Variants in SRRM3 observed in about 807,000 individuals in gnomAD.
The protein encoded by SRRM3 is serine/arginine repetitive matrix 3, also known as serine/arginine repetitive matrix protein 3.
A neutral mutation model predicts 66.2 loss-of-function variants in SRRM3; 27 were observed. That is an observed-to-expected ratio of 0.41 (90% CI 0.30 to 0.56). The LOEUF (loss-of-function observed/expected upper bound fraction) is 0.56, where lower values mean the gene tolerates loss of function less well. SRRM3 is among the 20% of genes least tolerant of loss of function. SRRM3 has a pLI of 0.32. For synonymous variants in SRRM3, 391 were observed against 414.9 expected (o/e 0.94, Z 0.70); for missense variants, 918 against 991.9 (o/e 0.93, Z 1.00).
chr7:76,221,402 G>A (rs1166754104), intron 1 of SRRM3, among the ~76,000 whole-genome samples: 1 of 125,062 alleles, frequency 8.0e-6, no homozygotes. Flanking sequence ...TCGCTCTGTC[G>A]CCCAGGCTGG....
rs182337985 is a variant in SRRM3, at chr7:76,244,115, A to G, written c.234-4073A>G. On this transcript the variant is annotated intron_variant, in intron 2 of 14. Coordinates refer to ENST00000611745, the MANE Select transcript of SRRM3 (RefSeq NM_001110199.3). ...CCACGAGGGGATGGGGGGTTAGAAG[A>G]AAAGCCCCCCACCCCTAACCAGGCC... Among the ~76,000 whole-genome samples, 374 of 152,150 alleles carry G rather than the reference A, an allele frequency of 2.5e-3. 3 individuals are homozygous for G. The highest frequency in any genetic ancestry group is 8.4e-3 in the African/African-American group (348 of 41,516).
intron 11 of SRRM3, chr7:76,273,538 A>G (rs1013315078): frequency 2.0e-5 from 3 of 152,110 alleles, no homozygotes; most frequent in Non-Finnish European, 4.4e-5. Context: ...TGCATTCCCA[A>G]TGCGGAGACC....
intron 10 of SRRM3, among the ~76,000 whole-genome samples, chr7:76,265,845 TA>T (rs1802004187): frequency 2.2e-4 from 2 of 9,078 alleles, no homozygotes; most frequent in Non-Finnish European, 3.2e-4. Flanking sequence ...TATATATATA[TA>T]TATATATATA....
intron 2 of SRRM3, 95 bp downstream of exon 2, chr7:76,235,394 T>C (rs1273582569): frequency 3.0e-5 from 30 of 1,014,230 alleles, no homozygotes; most frequent in Non-Finnish European, 3.9e-5. Context: ...GCGAACGTCG[T>C]GGGCGGGGAG....
chr7:76,275,515 A>G (rs962689766), intron 11 of SRRM3, among the ~76,000 whole-genome samples: 2 of 151,698 alleles, frequency 1.3e-5, no homozygotes, highest in Non-Finnish European at 2.9e-5. Flanking sequence ...AAAAAAAAAA[A>G]AAGAAAAGAA....
chr7:76,225,072 ACTAATATTTTT>A (rs1800823556), intron 1 of SRRM3, among the ~76,000 whole-genome samples: 1 of 152,150 alleles, frequency 6.6e-6, no homozygotes, highest in Non-Finnish European at 1.5e-5. Context: ...GGCTATCATA[ACTAATATTTTT>A]TCCACCAGCC....
At chr7:76,256,397 C>T (rs893433261) in intron 3 of SRRM3, among the ~76,000 whole-genome samples, 5 of 151,868 alleles carry the variant, frequency 3.3e-5, no homozygotes, top group African/African-American at 1.2e-4. Flanking sequence ...ATCCCAGCTA[C>T]TTGGGAGAAT....
intron 1 of SRRM3, among the ~76,000 whole-genome samples, chr7:76,234,315 C>T (rs970979135): frequency 1.3e-5 from 2 of 151,936 alleles, no homozygotes; most frequent in African/African-American, 4.8e-5. Flanking sequence ...TACAGGAGGA[C>T]GTGGCTGCCT....
intron 1 of SRRM3, among the ~76,000 whole-genome samples, chr7:76,222,510 G>A (rs1800751768): frequency 6.6e-6 from 1 of 152,016 alleles, no homozygotes; most frequent in Non-Finnish European, 1.5e-5. Flanking sequence ...TTGCCTGCAG[G>A]GTGTGGTCCT....
intron 2 of SRRM3, among the ~76,000 whole-genome samples, chr7:76,247,507 C>T (rs1042968409): frequency 2.6e-5 from 4 of 152,072 alleles, no homozygotes; most frequent in Admixed American, 6.6e-5. Flanking sequence ...CTAAAATTCT[C>T]GAAAGAGCGA....
At position 76,285,708 on chromosome 7, in the gene SRRM3, C is replaced by A. The variant is rs1554612680; in HGVS notation, c.1827C>A (p.Arg609=). 1 of 1,550,800 alleles carries A rather than the reference C, an allele frequency of 6.4e-7. No individual in the cohort carries two copies. Among genetic ancestry groups the A allele is most frequent in the East Asian group, 2.4e-5 (1 of 40,918 alleles). The part of the protein sequence containing the change: ...SSDYSTRSHS[R]SPSPGHSHGS... The stretch of plus-strand genomic sequence containing the variant: ...ACTACTCGACCCGGAGCCACAGCCG[C>A]AGCCCCAGCCCCGGCCACAGCCACG... Residue 609 remains arginine, a synonymous_variant, in exon 15 of 15, where the codon CGC becomes CGA. Coordinates refer to ENST00000611745, the MANE Select transcript of SRRM3 (RefSeq NM_001110199.3). The surrounding 1 kb of genome is among the most constrained non-coding windows in gnomAD (Gnocchi z 4.1).
chr7:76,205,801 A>G (rs1214420172), intron 1 of SRRM3, among the ~76,000 whole-genome samples: 1 of 152,110 alleles, frequency 6.6e-6, no homozygotes, highest in African/African-American at 2.4e-5. Flanking sequence ...TTCCCCCTTT[A>G]ATTAAGACCC....
intron 3 of SRRM3, among the ~76,000 whole-genome samples, chr7:76,255,881 T>C (rs1801700018): frequency 6.6e-6 from 1 of 152,196 alleles, no homozygotes; most frequent in Admixed American, 6.5e-5. Context: ...TGCAGCGTCT[T>C]TTCTCCCCGG....
chr7:76,267,331 C>G lies in SRRM3; in HGVS notation c.904C>G (p.Pro302Ala). The G allele has an allele frequency of 6.5e-7, 1 of 1,538,996 alleles. No individual in the cohort carries two copies. The highest frequency in any genetic ancestry group is 2.1e-5 in the Admixed American group (1 of 46,908). The change falls in exon 11 of 15, where the codon CCG becomes GCG. Residue 302 changes from proline to alanine, a missense_variant. Coordinates refer to ENST00000611745, the MANE Select transcript of SRRM3 (RefSeq NM_001110199.3). Reference sequence around the variant, plus strand: ...GTCCAGCGGAAGCCGGTCGCCTTCCCCGTCGGGCGGCAGCGGATGGGGGTC... The same window carrying G: ...GTCCAGCGGAAGCCGGTCGCCTTCCGCGTCGGGCGGCAGCGGATGGGGGTC... ...QRSSGSRSPS[P>A]SGGSGWGSPQ...
Position 76,214,966 on chromosome 7 carries a change from C to T in SRRM3, c.-40+12899C>T, listed in dbSNP as rs368643096. 2.2e-3 allele frequency among the ~76,000 whole-genome samples: 325 copies of T among 146,936 alleles called. 2 individuals carry two copies. Among genetic ancestry groups the T allele is most frequent in the African/African-American group, 7.8e-3 (307 of 39,474 alleles). ...GTAAAGACCTCAGAGGGAGAGAGAT[C>T]TTAAAATTCTAAATAAGTCATGAAA... On this transcript the variant is annotated intron_variant, in intron 1 of 14. Coordinates refer to ENST00000611745, the MANE Select transcript of SRRM3 (RefSeq NM_001110199.3).
rs1191731971 is a variant in SRRM3 at position 76,281,595 on chromosome 7, G to A, written c.1163G>A (p.Arg388Gln). 3.3e-5 allele frequency: 32 copies of A among 979,744 alleles called. No homozygotes were observed. The highest frequency in any genetic ancestry group is 3.7e-5 in the Non-Finnish European group (31 of 827,244). The allele number at this position is 979,744 out of a possible 1,614,324, so 60.7% of individuals were successfully genotyped here. A position where few individuals can be genotyped will look rare whatever the true frequency, so the allele number is the denominator to read the frequency against. ...GCGGGCGGGGCGGGCAGGCGGCGGC[G>A]GCGGCGGCGTAGGCGGCGGCGCTCG... is the stretch of plus-strand genomic sequence containing the variant. ...RAAGGAGRRR[R>Q]RRRRRRRSRS... Residue 388 changes from arginine to glutamine, a missense_variant, in exon 12 of 15, where the codon CGG becomes CAG. Transcript: ENST00000611745.
intron 1 of SRRM3, among the ~76,000 whole-genome samples, chr7:76,234,299 C>T (rs1801086412): frequency 6.6e-6 from 1 of 151,902 alleles, no homozygotes; most frequent in Non-Finnish European, 1.5e-5. Flanking sequence ...CACCCCACCC[C>T]GAGCCTACAG....
At chr7:76,266,197 T>TTA (rs1383321957) in intron 10 of SRRM3, among the ~76,000 whole-genome samples, 1 of 98,414 alleles carries the variant, frequency 1.0e-5, no homozygotes, top group Non-Finnish European at 1.7e-5. Flanking sequence ...ATATAAATAT[T>TTA]TATATATTTA....
intron 1 of SRRM3, among the ~76,000 whole-genome samples, chr7:76,219,954 GCTTA>G (rs1554603008): frequency 1.3e-5 from 2 of 152,110 alleles, no homozygotes; most frequent in African/African-American, 4.8e-5. Flanking sequence ...GGACTCGAGG[GCTTA>G]CAAAGTAGAT....
Sources: allele counts gnomAD v4.1 joint callset (sites outside exome capture counted in the v4.1 genomes callset), GRCh38; gene constraint gnomAD v4.1.1; non-coding constraint Gnocchi (gnomAD v3.1); transcripts MANE v1.5; gene names NCBI Gene and HGNC (gene_info 2026-07-23, HGNC 2026-07-21).